MAST4: variants seen among roughly 807,000 people sequenced by gnomAD.
The protein encoded by MAST4 is microtubule-associated serine/threonine-protein kinase 4.
In MAST4, 89 loss-of-function variants were observed where a neutral mutation model predicts 162.7. The ratio of observed to expected loss-of-function variants is 0.55; its 90% confidence interval spans 0.46 to 0.65. MAST4 has a LOEUF of 0.65. Ranked by LOEUF, MAST4 falls within the 30% of genes least tolerant of loss-of-function variation. The pLI, the probability that MAST4 is intolerant of heterozygous loss-of-function variation, is 0.00. For missense variants in MAST4, 3,153 were observed against 3,374.0 expected, an observed-to-expected ratio of 0.93 and a Z score of 1.62; for synonymous variants, 1,479 against 1,361.1, an observed-to-expected ratio of 1.09 and a Z score of -1.91.
chr5:66,757,777 T>C (rs1016743364), intron 1 of MAST4, among the ~76,000 whole-genome samples: 1 of 152,206 alleles, frequency 6.6e-6, no homozygotes, highest in Non-Finnish European at 1.5e-5. Flanking sequence ...GTAACTTTTC[T>C]GTAGTTGCAA....
intron 1 of MAST4, among the ~76,000 whole-genome samples, chr5:66,649,334 A>G (rs1746063574): frequency 6.6e-6 from 1 of 152,172 alleles, no homozygotes; most frequent in Admixed American, 6.5e-5. Context: ...TCAGTGCCTG[A>G]ACACATGTGT....
At chr5:66,853,068 G>T (rs1303722367) in intron 3 of MAST4, among the ~76,000 whole-genome samples, 1 of 152,186 alleles carries the variant, frequency 6.6e-6, no homozygotes, top group Non-Finnish European at 1.5e-5. Context: ...CATATATTCT[G>T]GTTTCTATTC....
At chr5:67,090,291 C>A in intron 6 of MAST4, 60 bp downstream of exon 6, 2 of 1,286,232 alleles carry the variant, frequency 1.6e-6, no homozygotes, top group Non-Finnish European at 2.2e-6. Context: ...ATTTTCCTCT[C>A]CCTCTCCCCA....
At chr5:67,090,286 C>G (rs13153365) in intron 6 of MAST4, 55 bp downstream of exon 6, 1 of 1,304,742 alleles carries the variant, frequency 7.7e-7, no homozygotes, top group African/African-American at 1.5e-5. Flanking sequence ...ATCCCATTTT[C>G]CTCTCCCTCT....
chr5:66,839,522 A>G (rs993964816), intron 3 of MAST4, among the ~76,000 whole-genome samples: 1 of 152,192 alleles, frequency 6.6e-6, no homozygotes. Flanking sequence ...TACATGGTGC[A>G]CAAAGTAGTT....
intron 3 of MAST4, among the ~76,000 whole-genome samples, chr5:66,795,546 G>A (rs769840560): frequency 1.1e-4 from 16 of 152,204 alleles, no homozygotes; most frequent in Non-Finnish European, 1.9e-4. Context: ...CTGGTCAGCA[G>A]TCAATAGTGT....
intron 6 of MAST4, 76 bp from the exon 7 acceptor site, chr5:67,095,521 A>G: frequency 8.8e-7 from 1 of 1,135,982 alleles, no homozygotes; most frequent in Non-Finnish European, 1.3e-6. Context: ...GTTTGACTAA[A>G]AATACTTAGT....
intron 1 of MAST4, among the ~76,000 whole-genome samples, chr5:66,709,524 C>A (rs1349564276): frequency 7.9e-6 from 1 of 126,482 alleles, no homozygotes; most frequent in African/African-American, 3.3e-5. Flanking sequence ...GCTATGTTGT[C>A]CAGGGTGGTC....
intron 14 of MAST4, among the ~76,000 whole-genome samples, chr5:67,128,176 C>T (rs914794584): frequency 3.9e-5 from 6 of 152,092 alleles, no homozygotes; most frequent in African/African-American, 1.4e-4. Flanking sequence ...TAATGCTTTC[C>T]CTTTTTATAC....
At chr5:66,974,232 G>A (rs1747832376) in intron 4 of MAST4, among the ~76,000 whole-genome samples, 1 of 152,106 alleles carries the variant, frequency 6.6e-6, no homozygotes, top group Admixed American at 6.6e-5. Flanking sequence ...TACCCAACTA[G>A]CATGAAACCT....
intron 3 of MAST4, among the ~76,000 whole-genome samples, chr5:66,876,353 T>C (rs1692230668): frequency 6.6e-6 from 1 of 152,106 alleles, no homozygotes; most frequent in South Asian, 2.1e-4. Context: ...TTAAACAATA[T>C]GAGCTTAGGC....
At chr5:66,910,412 G>C (rs1763663901) in intron 4 of MAST4, among the ~76,000 whole-genome samples, 2 of 152,162 alleles carry the variant, frequency 1.3e-5, no homozygotes, top group Admixed American at 1.3e-4. Context: ...GCTGAATTCT[G>C]TATTGTTCTC....
At chr5:66,753,018 C>T (rs1753285544) in intron 1 of MAST4, among the ~76,000 whole-genome samples, 1 of 151,270 alleles carries the variant, frequency 6.6e-6, no homozygotes, top group African/African-American at 2.4e-5. Context: ...TGCTCAACTA[C>T]ATGGAAACTG....
chr5:66,921,810 T>C (rs952219056), intron 4 of MAST4, among the ~76,000 whole-genome samples: 2 of 152,230 alleles, frequency 1.3e-5, no homozygotes, highest in Non-Finnish European at 2.9e-5. Context: ...ATTATCAATG[T>C]AAGACTTGTA....
intron 1 of MAST4, among the ~76,000 whole-genome samples, chr5:66,694,988 A>G (rs185600283): frequency 2.6e-5 from 4 of 152,154 alleles, no homozygotes; most frequent in African/African-American, 7.2e-5. Flanking sequence ...CTCTGATGAT[A>G]GTTTCTTTTG....
intron 11 of MAST4, among the ~76,000 whole-genome samples, chr5:67,113,656 G>C (rs1481717344): frequency 6.6e-6 from 1 of 152,068 alleles, no homozygotes; most frequent in East Asian, 1.9e-4. Flanking sequence ...CAACATTTTT[G>C]AGTAAATATA....
At chr5:66,599,067 G>A (rs568420688) in intron 1 of MAST4, among the ~76,000 whole-genome samples, 2 of 152,274 alleles carry the variant, frequency 1.3e-5, no homozygotes, top group East Asian at 3.9e-4. Context: ...CTGCGGCATG[G>A]GATGCTGGAA....
At chr5:66,885,629 G>C (rs1402663065) in intron 3 of MAST4, among the ~76,000 whole-genome samples, 1 of 152,124 alleles carries the variant, frequency 6.6e-6, no homozygotes, top group Non-Finnish European at 1.5e-5. Context: ...CAATTGCCCA[G>C]GTAATCCATT....
intron 26 of MAST4, among the ~76,000 whole-genome samples, chr5:67,156,009 A>C (rs1421037542): frequency 1.3e-5 from 2 of 151,506 alleles, no homozygotes; most frequent in African/African-American, 4.9e-5. Context: ...CAGTGGGCCA[A>C]GATAGCGCCA....
Sources: allele counts gnomAD v4.1 joint callset (sites outside exome capture counted in the v4.1 genomes callset), GRCh38; gene constraint gnomAD v4.1.1; transcripts MANE v1.5; gene names NCBI Gene and HGNC (gene_info 2026-07-23, HGNC 2026-07-21).